Variants in PCDHGA9 observed in about 807,000 individuals in gnomAD.
PCDHGA9 encodes the protein protocadherin gamma subfamily A, 9, also known as protocadherin gamma-A9.
PCDHGA9 carries 37 observed loss-of-function variants against 62.5 expected under a neutral mutation model. The ratio of observed to expected loss-of-function variants is 0.59; its 90% CI spans 0.46 to 0.78. The LOEUF (loss-of-function observed/expected upper bound fraction) is 0.78. PCDHGA9 is among the 30% of genes least tolerant of loss of function. The pLI is 0.00. For missense variants in PCDHGA9, 1,138 were observed against 1,166.2 expected (o/e 0.98, Z 0.35); for synonymous variants, 459 against 484.6 (o/e 0.95, Z 0.69).
chr5:141,417,862 G>C, intron 1 of PCDHGA9: 1 of 1,550,466 alleles, frequency 6.4e-7, no homozygotes, highest in Non-Finnish European at 8.7e-7. Flanking sequence ...AGCGAACGAT[G>C]GGAGGGAGCT....
chr5:141,450,851 G>T (rs1184272833), intron 1 of PCDHGA9, among the ~76,000 whole-genome samples: 1 of 142,602 alleles, frequency 7.0e-6, no homozygotes, highest in Non-Finnish European at 1.5e-5. Context: ...TTGAGATGGG[G>T]TCTTGCTCTG....
intron 1 of PCDHGA9, among the ~76,000 whole-genome samples, chr5:141,462,009 G>C (rs2099028674): frequency 6.6e-6 from 1 of 152,190 alleles, no homozygotes; most frequent in Non-Finnish European, 1.5e-5. Flanking sequence ...TTTTAATAGA[G>C]ACGGGGTTTC....
rs751047365 is a variant in PCDHGA9 at position 141,419,570 on chromosome 5, G to C, written c.2424+14194G>C. On this transcript the variant is annotated intron_variant, in intron 1 of 3. Transcript: ENST00000573521. ...GCTGTACCCTGCGCTGGGTCCCGAC[G>C]GCTCCGCGCTCTTCGACACAGTGCC... 5.6e-6 allele frequency: 9 copies of C among 1,611,766 alleles called. No individual in the cohort carries two copies. The South Asian group carries it at 8.8e-5, about 16-fold the overall frequency.
intron 1 of PCDHGA9, chr5:141,409,940 C>T (rs1368587420): frequency 1.2e-5 from 19 of 1,613,118 alleles, no homozygotes; most frequent in Non-Finnish European, 1.6e-5. Context: ...TATGGTACCT[C>T]GCTCTGCAGA....
chr5:141,423,011 T>C, intron 1 of PCDHGA9: 4 of 1,614,186 alleles, frequency 2.5e-6, no homozygotes, highest in Non-Finnish European at 3.4e-6. Flanking sequence ...GTGGTTGCGG[T>C]GGACAAAGAT....
intron 1 of PCDHGA9, among the ~76,000 whole-genome samples, chr5:141,439,391 G>A (rs880080): frequency 0.036 from 5,494 of 152,210 alleles, 123 homozygotes; most frequent in South Asian, 0.078. Context: ...TCATCACTTC[G>A]ACTTCATGTG....
chr5:141,447,852 G>A (rs375081279), intron 1 of PCDHGA9, among the ~76,000 whole-genome samples: 2 of 152,144 alleles, frequency 1.3e-5, no homozygotes, highest in East Asian at 3.9e-4. Context: ...TTGGGAGGCC[G>A]AGGTGGGTGA....
chr5:141,473,975 G>T (rs188916402), intron 1 of PCDHGA9, among the ~76,000 whole-genome samples: 1 of 152,104 alleles, frequency 6.6e-6, no homozygotes, highest in Non-Finnish European at 1.5e-5. Flanking sequence ...AGTCTGAGGC[G>T]GGAGGATCCC....
Position 141,511,202 on chromosome 5 carries a change from C to A in PCDHGA9, c.*29C>A. On this transcript the variant is annotated 3_prime_UTR_variant, in exon 4 of 4. Transcript: ENST00000573521. ...GGAGGCCAGGCCAAGAGCCACAGGG[C>A]GGCCTCTCCCCAACCAGCCCAGCTT... The A allele has an allele frequency of 6.2e-7, 1 of 1,612,136 alleles. No individual in the cohort carries two copies.
chr5:141,421,572 G>T, intron 1 of PCDHGA9: 1 of 1,613,954 alleles, frequency 6.2e-7, no homozygotes, highest in Admixed American at 1.7e-5. Flanking sequence ...AAGACACCTT[G>T]AAGATTTACG....
In PCDHGA9 at chr5:141,487,579, A is replaced by G. The variant is rs779441421; in HGVS notation, c.2425-7228A>G. 60 of 1,614,022 alleles carry G rather than the reference A, an allele frequency of 3.7e-5. No homozygotes were observed. The South Asian group carries it at 6.0e-4, about 16-fold the overall frequency. The stretch of plus-strand genomic sequence containing the variant: ...CTATGGCAGGGGAGCCTGTTCGCCC[A>G]AGCTGCCCACCCTCTGATCTTCTCT... On this transcript the variant is annotated intron_variant, in intron 1 of 3. Transcript: ENST00000573521. This position sits in a 1 kb window ranked among gnomAD's most constrained non-coding sequence, Gnocchi z 5.0.
chr5:141,509,516 T>C (rs2099877144), intron 3 of PCDHGA9, among the ~76,000 whole-genome samples: 1 of 152,130 alleles, frequency 6.6e-6, no homozygotes, highest in Non-Finnish European at 1.5e-5. Context: ...GTGTTGATGA[T>C]GTATTGCACA....
chr5:141,505,377 C>G lies in PCDHGA9; in HGVS notation c.2484-16C>G, dbSNP rs1368451336. 1.9e-6 allele frequency: 3 copies of G among 1,614,036 alleles called. No homozygotes were observed. In the East Asian group the frequency reaches 6.7e-5, roughly 36 times the overall value. On this transcript the variant is annotated splice_polypyrimidine_tract_variant and intron_variant, in intron 2 of 3. Coordinates refer to ENST00000573521, the MANE Select transcript of PCDHGA9 (RefSeq NM_018921.3). Reference sequence around the variant, plus strand: ...CGGCCTGGGAGTCTGTGCTCACCATCCTACTCTCTCCCCAGCTCCCAAAAT... The same window carrying G: ...CGGCCTGGGAGTCTGTGCTCACCATGCTACTCTCTCCCCAGCTCCCAAAAT...
intron 1 of PCDHGA9, among the ~76,000 whole-genome samples, chr5:141,492,437 C>T (rs182333697): frequency 8.5e-5 from 13 of 152,332 alleles, no homozygotes; most frequent in Admixed American, 8.5e-4. Flanking sequence ...CAGGAGTACT[C>T]GTAGCTGATT....
chr5:141,444,893 G>T (rs1238224263), intron 1 of PCDHGA9, among the ~76,000 whole-genome samples: 1 of 152,160 alleles, frequency 6.6e-6, no homozygotes, highest in Admixed American at 6.5e-5. Flanking sequence ...TTTTGAATGG[G>T]ATGGCATTGC....
At chr5:141,434,807 A>G (rs2097718601) in intron 1 of PCDHGA9, among the ~76,000 whole-genome samples, 1 of 152,016 alleles carries the variant, frequency 6.6e-6, no homozygotes, top group South Asian at 2.1e-4. Context: ...AGCTTGGAGA[A>G]ATATATCCCT....
chr5:141,491,567 C>T lies in PCDHGA9; in HGVS notation c.2425-3240C>T, dbSNP rs2099721325. On this transcript the variant is annotated intron_variant, in intron 1 of 3. Transcript: ENST00000573521. The surrounding 1 kb of genome is among the most constrained non-coding windows in gnomAD (Gnocchi z 6.9). ...GACTCGCAGAGCCACTGCTACAGGACGTGCTTTTCACCGGCCTCGGACGGC... is the reference window on the plus strand; with the variant it reads ...GACTCGCAGAGCCACTGCTACAGGATGTGCTTTTCACCGGCCTCGGACGGC... 1.9e-6 allele frequency: 3 copies of T among 1,614,004 alleles called. No individual in the cohort carries two copies. The highest frequency in any genetic ancestry group is 2.5e-6 in the Non-Finnish European group (3 of 1,180,034).
rs370932300 is a variant in PCDHGA9, at chr5:141,459,955, G to A, written c.2425-34852G>A. Among the ~76,000 whole-genome samples, 15 of 152,316 alleles carry A rather than the reference G, an allele frequency of 9.8e-5. No homozygotes were observed. The East Asian group carries it at 2.3e-3, about 24-fold the overall frequency. The stretch of plus-strand genomic sequence containing the variant: ...TAGCTGGGCGTGATGGCAGGTGCCT[G>A]TAATCCCAGCTACTCAGGAGGCTGA... On this transcript the variant is annotated intron_variant, in intron 1 of 3. Coordinates refer to ENST00000573521, the MANE Select transcript of PCDHGA9 (RefSeq NM_018921.3).
intron 1 of PCDHGA9, among the ~76,000 whole-genome samples, chr5:141,483,980 G>C (rs1379963326): frequency 2.0e-5 from 3 of 148,294 alleles, no homozygotes; most frequent in African/African-American, 7.5e-5. Flanking sequence ...CAAGGGAGTA[G>C]CTAGGTTGCT....
Sources: allele counts gnomAD v4.1 joint callset (sites outside exome capture counted in the v4.1 genomes callset), GRCh38; gene constraint gnomAD v4.1.1; non-coding constraint Gnocchi (gnomAD v3.1); transcripts MANE v1.5; gene names NCBI Gene and HGNC (gene_info 2026-07-23, HGNC 2026-07-21).